Variants in MECOM observed in about 807,000 individuals in gnomAD.
MECOM encodes histone-lysine N-methyltransferase MECOM.
In MECOM, 13 loss-of-function variants were observed where a neutral mutation model predicts 116.3. That is an observed-to-expected ratio of 0.11 (90% CI 0.07 to 0.18). The LOEUF is 0.18. MECOM is among the 10% of genes least tolerant of loss of function. MECOM has a pLI of 1.00. For missense variants in MECOM, 1,299 were observed against 1,509.0 expected (o/e 0.86, Z 2.31); for synonymous variants, 528 against 535.2 (o/e 0.99, Z 0.19).
intron 3 of MECOM, among the ~76,000 whole-genome samples, chr3:169,132,204 C>G (rs1427043851): frequency 1.3e-5 from 2 of 152,070 alleles, no homozygotes; most frequent in African/African-American, 4.8e-5. Flanking sequence ...GGGGGTGGTG[C>G]TTATTCCCCT....
chr3:169,590,986 A>C (rs955668846), intron 1 of MECOM, among the ~76,000 whole-genome samples: 1 of 152,236 alleles, frequency 6.6e-6, no homozygotes, highest in Non-Finnish European at 1.5e-5. Context: ...CTGCTTTAGA[A>C]TTGATGGAGA....
At chr3:169,138,354 A>C (rs1461414529) in intron 3 of MECOM, among the ~76,000 whole-genome samples, 2 of 152,126 alleles carry the variant, frequency 1.3e-5, no homozygotes, top group African/African-American at 4.8e-5. Context: ...GTTGCATCCT[A>C]GGTATTGTTA....
intron 1 of MECOM, among the ~76,000 whole-genome samples, chr3:169,533,373 G>C (rs1758894913): frequency 6.6e-6 from 1 of 152,150 alleles, no homozygotes; most frequent in South Asian, 2.1e-4. Context: ...GGTGGGGACT[G>C]TTGACGGAAA....
intron 2 of MECOM, among the ~76,000 whole-genome samples, chr3:169,172,755 G>A (rs1360613137): frequency 6.6e-6 from 1 of 152,118 alleles, no homozygotes; most frequent in East Asian, 1.9e-4. Flanking sequence ...GGGTCAGGGG[G>A]CTAAGGACAT....
At chr3:169,300,973 T>C (rs904574556) in intron 2 of MECOM, among the ~76,000 whole-genome samples, 1 of 152,240 alleles carries the variant, frequency 6.6e-6, no homozygotes, top group African/African-American at 2.4e-5. Context: ...TTTAGTTCTG[T>C]TTCTCGTGCT....
At chr3:169,505,314 T>C (rs1755061323) in intron 1 of MECOM, among the ~76,000 whole-genome samples, 1 of 151,932 alleles carries the variant, frequency 6.6e-6, no homozygotes, top group Admixed American at 6.6e-5. Context: ...AGGAATTTTT[T>C]TTTTTTTGCC....
intron 1 of MECOM, among the ~76,000 whole-genome samples, chr3:169,593,015 G>C (rs1432901620): frequency 1.3e-5 from 2 of 151,604 alleles, no homozygotes; most frequent in African/African-American, 4.9e-5. Context: ...TTATTCATTT[G>C]TTTGTTTACT....
intron 2 of MECOM, among the ~76,000 whole-genome samples, chr3:169,263,520 G>GGA (rs112319856): frequency 6.8e-6 from 1 of 146,498 alleles, no homozygotes; most frequent in South Asian, 2.2e-4. Context: ...CAGAGCACTT[G>GGA]CACACACACA....
chr3:169,118,538 T>C (rs1300448136), intron 7 of MECOM, among the ~76,000 whole-genome samples: 1 of 152,210 alleles, frequency 6.6e-6, no homozygotes, highest in Non-Finnish European at 1.5e-5. Context: ...TAGAATAATT[T>C]ATAGCTACAA....
At chr3:169,433,144 A>G (rs577369121) in intron 1 of MECOM, among the ~76,000 whole-genome samples, 2 of 152,172 alleles carry the variant, frequency 1.3e-5, no homozygotes, top group Non-Finnish European at 2.9e-5. Flanking sequence ...AAAGTATTCT[A>G]TATATTAGAA....
intron 1 of MECOM, among the ~76,000 whole-genome samples, chr3:169,511,213 G>T (rs564649204): frequency 1.3e-5 from 2 of 152,130 alleles, no homozygotes; most frequent in Non-Finnish European, 2.9e-5. Context: ...TCAGACTCAG[G>T]TTTCTTTGAA....
intron 1 of MECOM, among the ~76,000 whole-genome samples, chr3:169,596,143 T>A (rs1356338470): frequency 6.6e-6 from 1 of 152,236 alleles, no homozygotes; most frequent in Non-Finnish European, 1.5e-5. Flanking sequence ...GTGTAGTTTA[T>A]TTAATTCATT....
intron 1 of MECOM, among the ~76,000 whole-genome samples, chr3:169,571,248 CA>C (rs536451468): frequency 9.2e-5 from 14 of 152,190 alleles, no homozygotes; most frequent in African/African-American, 3.4e-4. Context: ...ACAACTGCTA[CA>C]AAGAGAATAA....
rs1732336467 is a variant in MECOM, at chr3:169,381,219, A to T, written c.343T>A (p.Ser115Thr). 6.2e-7 allele frequency: 1 copy of T among 1,611,140 alleles called. No individual in the cohort carries two copies. Among genetic ancestry groups the T allele is most frequent in the Non-Finnish European group, 8.5e-7 (1 of 1,177,716 alleles). The change falls in exon 2 of 17, where the codon TCA (serine) becomes ACA (threonine). Residue 115 changes from serine to threonine, a missense_variant. By Grantham distance (58) the Ser-to-Thr change is moderately conservative. Coordinates refer to ENST00000651503, the MANE Select transcript of MECOM (RefSeq NM_004991.4). ...CCATAACTGGGGTCTTTCAGGTTTG[A>T]CCTCTGCTCTCCCACATAAGGCCCA... ...KFGPYVGEQRSNLKDPSYGWE... is the reference protein window; with the variant it reads ...KFGPYVGEQRTNLKDPSYGWE...
Position 169,258,137 on chromosome 3 carries a change from T to C in MECOM, c.376-114305A>G, listed in dbSNP as rs148130248. Among the ~76,000 whole-genome samples the C allele has an allele frequency of 8.3e-3, 1,264 of 152,176 alleles. 16 individuals carry two copies. The highest frequency in any genetic ancestry group is 0.029 in the African/African-American group (1,193 of 41,522). On this transcript the variant is annotated intron_variant, in intron 2 of 16. Transcript: ENST00000651503. ...CAGGAGTTCGAGGCAGAAGAATCAC[T>C]TGAACCCGGGAGACAGAGGTTGCAC...
At chr3:169,164,488 C>T (rs1052088334) in intron 2 of MECOM, among the ~76,000 whole-genome samples, 4 of 152,118 alleles carry the variant, frequency 2.6e-5, no homozygotes, top group Non-Finnish European at 4.4e-5. Flanking sequence ...AAAAGATACA[C>T]GCGAAAAGGA....
chr3:169,286,931 C>T (rs1280151881), intron 2 of MECOM, among the ~76,000 whole-genome samples: 1 of 152,042 alleles, frequency 6.6e-6, no homozygotes, highest in Non-Finnish European at 1.5e-5. Flanking sequence ...ACTGGGAAGG[C>T]AGCTACTTAA....
intron 2 of MECOM, among the ~76,000 whole-genome samples, chr3:169,171,307 G>A (rs11706315): frequency 3.3e-5 from 5 of 152,062 alleles, no homozygotes; most frequent in Admixed American, 6.5e-5. Context: ...CTATTAATAA[G>A]AACCAGTAAC....
At chr3:169,542,307 G>C (rs545602392) in intron 1 of MECOM, among the ~76,000 whole-genome samples, 1 of 148,692 alleles carries the variant, frequency 6.7e-6, no homozygotes, top group East Asian at 2.1e-4. Context: ...TTCTTTTAAT[G>C]TTTTGTTTTG....
Sources: gnomAD v4.1 joint callset for allele counts (sites outside exome capture counted in the v4.1 genomes callset) on GRCh38, gnomAD v4.1.1 for gene constraint, MANE v1.5 for transcripts, NCBI Gene and HGNC (gene_info 2026-07-23, HGNC 2026-07-21) for gene names.